Variants in CWF19L2 observed in about 807,000 individuals in gnomAD.
CWF19L2 encodes CWF19 like cell cycle control factor 2.
CWF19L2 carries 98 observed loss-of-function variants against 111.7 expected under a neutral mutation model. That is an observed-to-expected ratio of 0.88 (90% CI 0.75 to 1.04). The LOEUF is 1.04. Ranked by LOEUF, CWF19L2 falls within the 50% of genes least tolerant of loss-of-function variation. The pLI, the probability that CWF19L2 is intolerant of heterozygous loss-of-function variation, is 0.00. For missense variants in CWF19L2, 1,101 were observed against 1,051.4 expected (o/e 1.05, Z -0.65); for synonymous variants, 351 against 342.9 (o/e 1.02, Z -0.26).
chr11:107,370,207 GTTC>G (rs1204963072), intron 12 of CWF19L2, among the ~76,000 whole-genome samples: 3 of 137,148 alleles, frequency 2.2e-5, no homozygotes, highest in Non-Finnish European at 4.7e-5. Context: ...TCTAAAAGTT[GTTC>G]TTCTATTAAA....
chr11:107,413,437 C>T (rs755085564), intron 10 of CWF19L2, among the ~76,000 whole-genome samples: 2 of 152,298 alleles, frequency 1.3e-5, no homozygotes, highest in Middle Eastern at 3.4e-3. Context: ...GAAAGAGACA[C>T]TGGTTATGTG....
intron 10 of CWF19L2, among the ~76,000 whole-genome samples, chr11:107,401,515 T>C (rs558246872): frequency 4.1e-4 from 62 of 152,074 alleles, no homozygotes; most frequent in Non-Finnish European, 7.4e-4. Context: ...CTTAGGAATA[T>C]ACCTAACAAA....
chr11:107,380,806 G>T (rs571239780), intron 12 of CWF19L2, among the ~76,000 whole-genome samples: 1 of 152,258 alleles, frequency 6.6e-6, no homozygotes, highest in South Asian at 2.1e-4. Context: ...CCAAAAGATG[G>T]AAGCAACCCA....
chr11:107,388,177 A>C (rs1860798053), intron 12 of CWF19L2, among the ~76,000 whole-genome samples: 1 of 152,146 alleles, frequency 6.6e-6, no homozygotes, highest in Admixed American at 6.6e-5. Flanking sequence ...AGCTCCTTCT[A>C]CTTTGCTTCA....
Position 107,336,701 on chromosome 11 carries a change from A to T in CWF19L2, c.2215T>A (p.Ser739Thr). 2 of 1,461,764 alleles carry T rather than the reference A, an allele frequency of 1.4e-6. No individual in the cohort carries two copies. The highest frequency in any genetic ancestry group is 1.8e-6 in the Non-Finnish European group (2 of 1,091,228). The allele number at this position is 1,461,764 out of a possible 1,614,324, so 90.5% of individuals were successfully genotyped here. ...TTATCTTCAAACATCTTTACCAATG[A>T]TTTTCTGAACATCTAAAAAAAAAAA... is the stretch of plus-strand genomic sequence containing the variant. The part of the protein sequence containing the change: ...IWEEIQMFRK[S>T]LVKMFEDKGL... Residue 739 changes from serine (S) to threonine (T), a missense_variant, in exon 15 of 18, where the codon TCA (serine) becomes ACA (threonine). By Grantham distance (58) the Ser-to-Thr change is moderately conservative. Transcript: ENST00000282251.
At chr11:107,337,867 A>G (rs1421320441) in intron 14 of CWF19L2, among the ~76,000 whole-genome samples, 2 of 152,116 alleles carry the variant, frequency 1.3e-5, no homozygotes, top group African/African-American at 4.8e-5. Flanking sequence ...TTTTGAGGTA[A>G]TTACAGATCA....
At chr11:107,358,128 TCA>T (rs1455008252) in intron 12 of CWF19L2, among the ~76,000 whole-genome samples, 1 of 152,144 alleles carries the variant, frequency 6.6e-6, no homozygotes, top group Non-Finnish European at 1.5e-5. Context: ...ATAAGAACCC[TCA>T]CACACTGCTG....
intron 14 of CWF19L2, among the ~76,000 whole-genome samples, chr11:107,344,919 C>T (rs920431494): frequency 1.3e-5 from 2 of 152,104 alleles, no homozygotes; most frequent in Non-Finnish European, 2.9e-5. Flanking sequence ...GTTCCCAACT[C>T]GGCCTCTGTT....
intron 8 of CWF19L2, among the ~76,000 whole-genome samples, chr11:107,424,977 C>A (rs959800003): frequency 9.2e-5 from 14 of 151,752 alleles, no homozygotes; most frequent in Admixed American, 2.6e-4. Flanking sequence ...ATGGGCTCTT[C>A]CTTTCTTTCC....
intron 10 of CWF19L2, among the ~76,000 whole-genome samples, chr11:107,396,892 C>T (rs961819788): frequency 1.5e-4 from 23 of 152,106 alleles, no homozygotes; most frequent in African/African-American, 4.8e-4. Context: ...CCGAACATAC[C>T]CCCCAACTGG....
At chr11:107,439,394 T>C (rs1861588848) in intron 5 of CWF19L2, among the ~76,000 whole-genome samples, 1 of 152,236 alleles carries the variant, frequency 6.6e-6, no homozygotes, top group Admixed American at 6.5e-5. Context: ...ATCTTAAAAC[T>C]GTGCTAGTTG....
Position 107,353,747 on chromosome 11 carries a change from A to G in CWF19L2, c.1873-11T>C, listed in dbSNP as rs1308911949. 1.9e-6 allele frequency: 3 copies of G among 1,606,352 alleles called. No individual in the cohort carries two copies. In the Admixed American group the frequency reaches 5.0e-5, roughly 27 times the overall value. On this transcript the variant is annotated splice_polypyrimidine_tract_variant and intron_variant, in intron 12 of 17. Coordinates refer to ENST00000282251, the MANE Select transcript of CWF19L2 (RefSeq NM_152434.3). ...TGTTTTTCCCATAAACTGAAAAACC[A>G]AAATAACAGTAATAGAGAGTAGAAG...
intron 3 of CWF19L2, among the ~76,000 whole-genome samples, chr11:107,445,280 T>C (rs1861685051): frequency 6.6e-6 from 1 of 152,172 alleles, no homozygotes; most frequent in Non-Finnish European, 1.5e-5. Flanking sequence ...GCAACCAAAA[T>C]ACCAACTAAT....
chr11:107,336,913 T>C (rs933287049), intron 14 of CWF19L2, among the ~76,000 whole-genome samples, 200 bp from the exon 15 acceptor site: 2 of 152,204 alleles, frequency 1.3e-5, no homozygotes, highest in African/African-American at 2.4e-5. Flanking sequence ...TATAATTTCA[T>C]ATATTTAAGC....
chr11:107,425,216 A>ACG (rs67730038), intron 8 of CWF19L2, among the ~76,000 whole-genome samples: 2 of 151,026 alleles, frequency 1.3e-5, no homozygotes, highest in African/African-American at 4.9e-5. Context: ...ACACACACAC[A>ACG]AAGAGGTTGA....
chr11:107,391,782 T>C (rs1860851178), intron 11 of CWF19L2, among the ~76,000 whole-genome samples: 3 of 152,204 alleles, frequency 2.0e-5, no homozygotes, highest in South Asian at 2.1e-4. Flanking sequence ...TTTTCTTTAC[T>C]AGCTTAAACC....
At chr11:107,434,301 A>G (rs867284115) in intron 6 of CWF19L2, among the ~76,000 whole-genome samples, 12 of 152,272 alleles carry the variant, frequency 7.9e-5, no homozygotes, top group Admixed American at 3.9e-4. Flanking sequence ...TGTTAAAACA[A>G]ATTATCTTAC....
At chr11:107,348,526 G>C (rs1860112995) in intron 14 of CWF19L2, among the ~76,000 whole-genome samples, 2 of 152,044 alleles carry the variant, frequency 1.3e-5, no homozygotes, top group Admixed American at 6.6e-5. Context: ...TTCTATCACA[G>C]GAAAATACGG....
intron 12 of CWF19L2, among the ~76,000 whole-genome samples, chr11:107,382,629 T>C (rs1860705527): frequency 6.6e-6 from 1 of 152,232 alleles, no homozygotes; most frequent in Non-Finnish European, 1.5e-5. Flanking sequence ...CTGGCACATC[T>C]ATGGTAAGAA....
Sources: allele counts gnomAD v4.1 joint callset (sites outside exome capture counted in the v4.1 genomes callset), GRCh38; gene constraint gnomAD v4.1.1; transcripts MANE v1.5; gene names NCBI Gene and HGNC (gene_info 2026-07-23, HGNC 2026-07-21).